SPACA7: variants seen among roughly 807,000 people sequenced by gnomAD.
SPACA7 encodes the protein sperm acrosome associated 7, also known as sperm acrosome-associated protein 7.
A neutral mutation model predicts 26.3 loss-of-function variants in SPACA7; 19 were observed. The ratio of observed to expected loss-of-function variants is 0.72; its 90% CI spans 0.50 to 1.06. The LOEUF is 1.06. Among genes scored for constraint, SPACA7 ranks in the 50% least tolerant of loss-of-function variants. SPACA7 has a pLI of 0.00. For synonymous variants in SPACA7, 84 were observed against 84.5 expected, an observed-to-expected ratio of 0.99 and a Z score of 0.04; for missense variants, 211 against 229.9, an observed-to-expected ratio of 0.92 and a Z score of 0.53.
chr13:112,405,946 C>T (rs1885961674), intron 5 of SPACA7, among the ~76,000 whole-genome samples: 2 of 152,054 alleles, frequency 1.3e-5, no homozygotes, highest in Non-Finnish European at 2.9e-5. Context: ...TTGGATATTT[C>T]TTTCTCTGCC....
At chr13:112,424,097 G>T (rs773442864) in intron 5 of SPACA7, among the ~76,000 whole-genome samples, 1 of 152,194 alleles carries the variant, frequency 6.6e-6, no homozygotes. Flanking sequence ...GTGAACAAAA[G>T]CCTGATAAAT....
At chr13:112,400,060 G>A (rs1328332183) in intron 4 of SPACA7, among the ~76,000 whole-genome samples, 1 of 152,154 alleles carries the variant, frequency 6.6e-6, no homozygotes, top group Non-Finnish European at 1.5e-5. Context: ...ATTTAGACAT[G>A]AGATTTGGTT....
intron 5 of SPACA7, among the ~76,000 whole-genome samples, chr13:112,424,288 C>T (rs368841986): frequency 1.3e-5 from 2 of 152,234 alleles, no homozygotes; most frequent in Admixed American, 6.5e-5. Context: ...TCCCCTGTCA[C>T]TGCCGTCATT....
intron 1 of SPACA7, among the ~76,000 whole-genome samples, chr13:112,380,874 A>ACT (rs1884013193): frequency 6.6e-6 from 1 of 152,206 alleles, no homozygotes; most frequent in Non-Finnish European, 1.5e-5. Flanking sequence ...AACAGAGAAA[A>ACT]CTAGGAGTAG....
At chr13:112,396,729 C>G (rs986333240) in intron 2 of SPACA7, among the ~76,000 whole-genome samples, 15 of 152,212 alleles carry the variant, frequency 9.9e-5, no homozygotes, top group African/African-American at 3.6e-4. Flanking sequence ...CAGCGCCCAG[C>G]CCCTTGGCTG....
At chr13:112,431,209 C>G (rs1246459702) in intron 5 of SPACA7, among the ~76,000 whole-genome samples, 3 of 152,218 alleles carry the variant, frequency 2.0e-5, no homozygotes, top group African/African-American at 7.2e-5. Context: ...ATGAAGCAGC[C>G]TTTAAGGATG....
At position 112,393,055 on chromosome 13, in the gene SPACA7, G is replaced by A. The variant is rs1884996913; in HGVS notation, c.129G>A (p.Gln43=). ...SPTEIPFSSK[Q]EDMSELLDEI... is the part of the protein sequence containing the mutation. ...CTGAAATACCATTCAGTTCAAAACA[G>A]GAGGATATGTCTGAATTATTAGGTA... Residue 43 remains glutamine, a synonymous_variant, in exon 2 of 7, where the codon CAG becomes CAA. Transcript: ENST00000283550. 2 of 1,612,940 alleles carry A rather than the reference G, an allele frequency of 1.2e-6. No homozygotes were observed. Among genetic ancestry groups the A allele is most frequent in the Admixed American group, 1.7e-5 (1 of 59,936 alleles).
chr13:112,403,557 C>T (rs1293410620), intron 5 of SPACA7, among the ~76,000 whole-genome samples: 1 of 152,086 alleles, frequency 6.6e-6, no homozygotes, highest in Non-Finnish European at 1.5e-5. Context: ...AATTTGTAGT[C>T]TTTTATCCCT....
chr13:112,399,417 A>G (rs1885495277), intron 4 of SPACA7, among the ~76,000 whole-genome samples: 1 of 152,256 alleles, frequency 6.6e-6, no homozygotes, highest in Admixed American at 6.5e-5. Context: ...CACAGCAGAA[A>G]TGTCTCATGG....
chr13:112,434,393 C>T (rs888093322), intron 6 of SPACA7, 92 bp from the exon 7 acceptor site: 1 of 1,100,546 alleles, frequency 9.1e-7, no homozygotes, highest in African/African-American at 1.5e-5. Context: ...GGCTTGGTTC[C>T]TCCTGTCCCC....
At chr13:112,383,172 A>G (rs918782860) in intron 1 of SPACA7, among the ~76,000 whole-genome samples, 2 of 141,250 alleles carry the variant, frequency 1.4e-5, no homozygotes, top group African/African-American at 5.6e-5. Flanking sequence ...AAAGAAAGAA[A>G]GAAAGAAAGA....
At chr13:112,382,548 C>G (rs766077348) in intron 1 of SPACA7, 1 of 1,543,760 alleles carries the variant, frequency 6.5e-7, no homozygotes, top group East Asian at 2.4e-5. Flanking sequence ...CTGGGCGACA[C>G]ATGCAGGCCT....
chr13:112,377,434 A>G (rs1183461675), intron 1 of SPACA7, among the ~76,000 whole-genome samples: 2 of 152,232 alleles, frequency 1.3e-5, no homozygotes, highest in Admixed American at 1.3e-4. Flanking sequence ...ACTTGGAAGA[A>G]TATCATGAAC....
chr13:112,410,956 T>C (rs1886310082), intron 5 of SPACA7, among the ~76,000 whole-genome samples: 1 of 152,170 alleles, frequency 6.6e-6, no homozygotes, highest in African/African-American at 2.4e-5. Context: ...TCTTTATTTT[T>C]AACCACTCAA....
intron 1 of SPACA7, among the ~76,000 whole-genome samples, chr13:112,381,472 G>A (rs981554490): frequency 7.1e-6 from 1 of 139,938 alleles, no homozygotes; most frequent in Non-Finnish European, 1.5e-5. Context: ...CAGCCTGGCT[G>A]ACAGAATGAG....
intron 4 of SPACA7, among the ~76,000 whole-genome samples, chr13:112,400,154 T>C (rs570365217): frequency 1.3e-5 from 2 of 152,124 alleles, no homozygotes; most frequent in East Asian, 3.9e-4. Context: ...AGGTCACAGC[T>C]CCAGTATCTG....
rs890436987 is a variant in SPACA7, at chr13:112,417,858, G to T, written c.446-14586G>T. ...GGAGTGAATGTAGGGCAGGAACAGA[G>T]ATTCTTCACTATAACTTTTAAATTT... is the stretch of plus-strand genomic sequence containing the variant. On this transcript the variant is annotated intron_variant, in intron 5 of 6. Transcript: ENST00000283550. Among the ~76,000 whole-genome samples the T allele has an allele frequency of 2.0e-5, 3 of 152,228 alleles. No individual in the cohort carries two copies. In the East Asian group the frequency reaches 5.8e-4, roughly 29 times the overall value.
chr13:112,424,171 C>T (rs550843171), intron 5 of SPACA7, among the ~76,000 whole-genome samples: 47 of 152,348 alleles, frequency 3.1e-4, no homozygotes, highest in African/African-American at 1.0e-3. Flanking sequence ...CGCCCGAAGG[C>T]ACCGCATGTG....
In SPACA7 at chr13:112,386,809, A is replaced by G. The variant is rs74135377; in HGVS notation, c.95-6212A>G. Reference sequence around the variant, plus strand: ...ATCCCTTCAAATCTCTTATTACCTGACTTTAGCCAGGCCAAGTGGCTAATA... The same window carrying G: ...ATCCCTTCAAATCTCTTATTACCTGGCTTTAGCCAGGCCAAGTGGCTAATA... On this transcript the variant is annotated intron_variant, in intron 1 of 6. Coordinates refer to ENST00000283550, the MANE Select transcript of SPACA7 (RefSeq NM_145248.5). Among the ~76,000 whole-genome samples the G allele has an allele frequency of 3.6e-3, 549 of 152,310 alleles. 5 individuals carry two copies. The highest frequency in any genetic ancestry group is 0.012 in the African/African-American group (519 of 41,560).
Sources: allele counts gnomAD v4.1 joint callset (sites outside exome capture counted in the v4.1 genomes callset), GRCh38; gene constraint gnomAD v4.1.1; transcripts MANE v1.5; gene names NCBI Gene and HGNC (gene_info 2026-07-23, HGNC 2026-07-21).